The following CENPK variants were observed in gnomAD, a reference collection of about 807,000 sequenced individuals.
The protein encoded by CENPK is SoxLZ/Sox6-binding protein Solt.
CENPK carries 46 observed loss-of-function variants against 40.9 expected under a neutral mutation model. That is an observed-to-expected ratio of 1.13 (90% confidence interval 0.89 to 1.44). CENPK has a LOEUF of 1.44. CENPK is among the 40% of genes most tolerant of loss of function. CENPK has a pLI of 0.00. For missense variants in CENPK, 288 were observed against 303.5 expected (o/e 0.95, Z 0.38); for synonymous variants, 107 against 104.4 (o/e 1.02, Z -0.15).
the CENPK span, among the ~76,000 whole-genome samples, chr5:65,509,065 G>C: frequency 6.6e-6 from 1 of 152,132 alleles, no homozygotes; most frequent in Non-Finnish European, 1.5e-5. Flanking sequence ...AACTCAATAA[G>C]AGTACCCACT....
chr5:65,503,463 T>C, the CENPK span, among the ~76,000 whole-genome samples: 7 of 152,128 alleles, frequency 4.6e-5, no homozygotes, highest in Admixed American at 1.3e-4. Context: ...GAGCTCTTTA[T>C]GTATTTGAGA....
chr5:65,532,930 A>AT (rs1210410487), intron 6 of CENPK, among the ~76,000 whole-genome samples: 1 of 147,170 alleles, frequency 6.8e-6, no homozygotes, highest in Non-Finnish European at 1.5e-5. Context: ...AAAAAAAAAA[A>AT]AAAAAATCAA....
chr5:65,541,418 G>T (rs1423078250), intron 6 of CENPK: 1 of 456,266 alleles, frequency 2.2e-6, no homozygotes, highest in South Asian at 1.5e-5. Context: ...TTGTAGGAGA[G>T]AATCATCATC....
chr5:65,502,451 G>C, the CENPK span, among the ~76,000 whole-genome samples: 2 of 152,192 alleles, frequency 1.3e-5, no homozygotes, highest in Non-Finnish European at 2.9e-5. Context: ...CAATTAACAG[G>C]AGGAATAGAG....
At chr5:65,554,506 C>G (rs566806679) in intron 3 of CENPK, among the ~76,000 whole-genome samples, 1 of 152,238 alleles carries the variant, frequency 6.6e-6, no homozygotes, top group South Asian at 2.1e-4. Context: ...TAAGTATAGT[C>G]TTTGTACTTC....
chr5:65,497,723 A>C, the CENPK span, among the ~76,000 whole-genome samples: 5 of 152,154 alleles, frequency 3.3e-5, no homozygotes, highest in South Asian at 1.0e-3. Context: ...TTCCAATAAA[A>C]AGGCAGGACA....
chr5:65,543,386 C>G (rs1333794615), intron 5 of CENPK, among the ~76,000 whole-genome samples: 1 of 152,136 alleles, frequency 6.6e-6, no homozygotes, highest in African/African-American at 2.4e-5. Flanking sequence ...AAAAGGGAAG[C>G]TAATAATCTA....
chr5:65,513,037 G>A (rs1008241232), downstream of CENPK, among the ~76,000 whole-genome samples: 2 of 151,954 alleles, frequency 1.3e-5, no homozygotes, highest in African/African-American at 4.8e-5. Flanking sequence ...TCTTATTGTT[G>A]ACTTTTAAAG....
At chr5:65,506,365 A>T in the CENPK span, among the ~76,000 whole-genome samples, 1 of 151,298 alleles carries the variant, frequency 6.6e-6, no homozygotes, top group Non-Finnish European at 1.5e-5. Context: ...AAAAAAAAAA[A>T]TGGCAGGGTG....
At chr5:65,534,518 C>CA (rs910369256) in intron 6 of CENPK, among the ~76,000 whole-genome samples, 1 of 151,516 alleles carries the variant, frequency 6.6e-6, no homozygotes, top group African/African-American at 2.4e-5. Context: ...AAACACAGAA[C>CA]AAAAAAACAG....
chr5:65,516,622 G>A (rs923236996), downstream of CENPK, among the ~76,000 whole-genome samples: 2 of 151,898 alleles, frequency 1.3e-5, no homozygotes, highest in African/African-American at 4.8e-5. Flanking sequence ...AATATCAAAC[G>A]AAATTTCAGT....
the CENPK span, among the ~76,000 whole-genome samples, chr5:65,499,934 T>G: frequency 1.0e-5 from 1 of 97,086 alleles, no homozygotes; most frequent in Non-Finnish European, 2.3e-5. Context: ...TTTTTTGTTC[T>G]TGCGATAGTT....
intron 5 of CENPK, among the ~76,000 whole-genome samples, chr5:65,546,228 G>GC (rs749699989): frequency 1.1e-4 from 14 of 124,944 alleles, no homozygotes; most frequent in South Asian, 2.6e-4. Context: ...ATTCTCCCCT[G>GC]CCCCCCCGCT....
At chr5:65,517,585 A>G (rs2150325584), downstream of CENPK, among the ~76,000 whole-genome samples, 1 of 152,320 alleles carries the variant, frequency 6.6e-6, no homozygotes, top group East Asian at 1.9e-4. Context: ...GATAATATAC[A>G]GTAGAAAGCG....
chr5:65,525,549 G>T (rs1744546239), intron 9 of CENPK, among the ~76,000 whole-genome samples: 1 of 152,086 alleles, frequency 6.6e-6, no homozygotes, highest in Non-Finnish European at 1.5e-5. Context: ...CTGATGGAGG[G>T]AGTTTTGTTG....
chr5:65,505,904 A>G, the CENPK span, among the ~76,000 whole-genome samples: 1 of 152,030 alleles, frequency 6.6e-6, no homozygotes, highest in African/African-American at 2.4e-5. Flanking sequence ...TTTACCTCTT[A>G]GTCTTTCTGG....
intron 2 of CENPK, among the ~76,000 whole-genome samples, chr5:65,555,850 G>T (rs1053825666): frequency 2.6e-5 from 4 of 152,198 alleles, no homozygotes; most frequent in Non-Finnish European, 5.9e-5. Flanking sequence ...TTTAGGATAT[G>T]CTACATTTGA....
chr5:65,533,820 A>G (rs889038854), intron 6 of CENPK, among the ~76,000 whole-genome samples: 13 of 152,104 alleles, frequency 8.5e-5, no homozygotes, highest in African/African-American at 3.1e-4. Context: ...AGGTGGGCAG[A>G]TCATGAGGTC....
At chr5:65,506,476 C>G in the CENPK span, among the ~76,000 whole-genome samples, 1 of 151,764 alleles carries the variant, frequency 6.6e-6, no homozygotes, top group Non-Finnish European at 1.5e-5. Flanking sequence ...TGGTGAAACC[C>G]GGTCTCTACT....
Sources: gnomAD v4.1 joint callset for allele counts (sites outside exome capture counted in the v4.1 genomes callset) on GRCh38, gnomAD v4.1.1 for gene constraint, MANE v1.5 for transcripts, NCBI Gene and HGNC (gene_info 2026-07-23, HGNC 2026-07-21) for gene names.